The following AGAP1 variants were observed in gnomAD, a reference collection of about 807,000 sequenced individuals.
AGAP1 encodes the protein arf-GAP with GTPase, ANK repeat and PH domain-containing protein 1.
Under a neutral mutation model 105.3 loss-of-function variants are expected in AGAP1, and 29 were observed. The observed-to-expected ratio is 0.28, with a 90% CI of 0.21 to 0.38. The LOEUF (loss-of-function observed/expected upper bound fraction) is 0.38, where lower values mean the gene tolerates loss of function less well. Ranked by LOEUF, AGAP1 falls within the 10% of genes least tolerant of loss-of-function variation. The probability of loss-of-function intolerance (pLI) is 1.00; values close to 1 mark genes in which losing one functional copy is unlikely to be tolerated. For missense variants in AGAP1, 998 were observed against 1,165.1 expected, an observed-to-expected ratio of 0.86 and a Z score of 2.09; for synonymous variants, 509 against 485.9, an observed-to-expected ratio of 1.05 and a Z score of -0.63.
intron 1 of AGAP1, among the ~76,000 whole-genome samples, chr2:235,603,187 C>T (rs750267406): frequency 6.6e-6 from 1 of 152,134 alleles, no homozygotes; most frequent in Non-Finnish European, 1.5e-5. Context: ...CTGGTGGTTT[C>T]ATAAGGGGAA....
intron 6 of AGAP1, chr2:235,775,748 T>TA (rs1955811859): frequency 6.6e-6 from 1 of 152,232 alleles, no homozygotes; most frequent in South Asian, 2.1e-4. Context: ...TACTTTGTCT[T>TA]AAATTCTATG....
rs1461647090 is a variant in AGAP1, at chr2:235,801,284, CTG to C, written c.957+1763_957+1764del. 6.6e-6 allele frequency among the ~76,000 whole-genome samples: 1 copy of C among 152,172 alleles called. No homozygotes were observed. The highest frequency in any genetic ancestry group is 1.5e-5 in the Non-Finnish European group (1 of 68,034). ...CTCTGGGCTGGAAACCATAGTACTT[CTG>C]CAGTGGGGCTTCCGGGAAGACTTCC... is the stretch of plus-strand genomic sequence containing the variant. On this transcript the variant is annotated intron_variant, in intron 8 of 17. Coordinates refer to ENST00000304032, the MANE Select transcript of AGAP1 (RefSeq NM_001037131.3). The surrounding 1 kb of genome is among the most constrained non-coding windows in gnomAD (Gnocchi z 6.0).
In AGAP1 at chr2:235,996,644, A is replaced by G. The variant is rs184645420; in HGVS notation, c.1645+28021A>G. Among the ~76,000 whole-genome samples, 12 of 152,300 alleles carry G rather than the reference A, an allele frequency of 7.9e-5. No homozygotes were observed. The East Asian group carries it at 1.9e-3, about 25-fold the overall frequency. On this transcript the variant is annotated intron_variant, in intron 13 of 17. Coordinates refer to ENST00000304032, the MANE Select transcript of AGAP1 (RefSeq NM_001037131.3). ...TCTGTTCACCATCAAGCGGCAGTTC[A>G]TCTGGAGTAAGGAGAGAGGCTGGAG... is the stretch of plus-strand genomic sequence containing the variant.
In AGAP1 at chr2:235,720,755, A is replaced by C; in HGVS notation, c.310+3111A>C. The C allele has an allele frequency of 4.1e-6, 4 of 970,496 alleles. No homozygotes were observed. The highest frequency in any genetic ancestry group is 4.9e-6 in the Non-Finnish European group (4 of 816,486). 60.1% of individuals were successfully genotyped at this position (970,496 alleles called of 1,614,324 possible). On this transcript the variant is annotated intron_variant, in intron 3 of 17. Coordinates refer to ENST00000304032, the MANE Select transcript of AGAP1 (RefSeq NM_001037131.3). The surrounding 1 kb of genome is among the most constrained non-coding windows in gnomAD (Gnocchi z 5.0). ...GTCATAATCCTGACCCGTGGCTGGGATATGTAGACTGCTGGGAGGGGTGAG... is the reference window on the plus strand; with the variant it reads ...GTCATAATCCTGACCCGTGGCTGGGCTATGTAGACTGCTGGGAGGGGTGAG...
chr2:235,766,138 G>A (rs527670562), intron 6 of AGAP1, among the ~76,000 whole-genome samples: 2 of 152,298 alleles, frequency 1.3e-5, no homozygotes, highest in East Asian at 3.9e-4. Context: ...AAAATAAAAT[G>A]CTCCTTTAAG....
intron 12 of AGAP1, among the ~76,000 whole-genome samples, chr2:235,956,398 G>A (rs1326170990): frequency 6.6e-6 from 1 of 152,120 alleles, no homozygotes; most frequent in East Asian, 1.9e-4. Flanking sequence ...GCTCCCTTCT[G>A]TCACACTCCC....
chr2:235,652,521 G>C (rs1029831064), intron 1 of AGAP1, among the ~76,000 whole-genome samples: 3 of 152,158 alleles, frequency 2.0e-5, no homozygotes, highest in African/African-American at 4.8e-5. Flanking sequence ...TGTGATTCAG[G>C]AGACACCACA....
intron 6 of AGAP1, among the ~76,000 whole-genome samples, chr2:235,790,606 CTT>C (rs1956917664): frequency 6.6e-6 from 1 of 152,194 alleles, no homozygotes; most frequent in Non-Finnish European, 1.5e-5. Flanking sequence ...TTAAGGACAA[CTT>C]CACACTTGCC....
intron 1 of AGAP1, among the ~76,000 whole-genome samples, chr2:235,699,719 C>T (rs1950163505): frequency 6.6e-6 from 1 of 152,220 alleles, no homozygotes; most frequent in Admixed American, 6.5e-5. Flanking sequence ...CAGGCCATTC[C>T]TTCTGCTGAC....
At position 235,625,880 on chromosome 2, in the gene AGAP1, T is replaced by C. The variant is rs1207169828; in HGVS notation, c.164-83299T>C. ...AGCATTGTGACAACATGTGACCAAG[T>C]ATTAAAAATGTTCTCACATTTATTC... On this transcript the variant is annotated intron_variant, in intron 1 of 17. Transcript: ENST00000304032. This position sits in a 1 kb window ranked among gnomAD's most constrained non-coding sequence, Gnocchi z 4.0. Among the ~76,000 whole-genome samples, 2 of 152,252 alleles carry C rather than the reference T, an allele frequency of 1.3e-5. No homozygotes were observed. Among genetic ancestry groups the C allele is most frequent in the African/African-American group, 4.8e-5 (2 of 41,468 alleles).
rs148156551 is a variant in AGAP1, at chr2:235,752,277, A to T, written c.673+1789A>T. 5.3e-3 allele frequency among the ~76,000 whole-genome samples: 803 copies of T among 152,268 alleles called. 32 individuals carry two copies. In the South Asian group the frequency reaches 0.097, roughly 18 times the overall value. On this transcript the variant is annotated intron_variant, in intron 6 of 17. Transcript: ENST00000304032. This position sits in a 1 kb window ranked among gnomAD's most constrained non-coding sequence, Gnocchi z 4.3. ...ACTGCAACCTCTGCCTCCCAGGTTC[A>T]GGCAAATCTTGTGCCTCAGCCTCCC...
chr2:235,992,167 C>A lies in AGAP1; in HGVS notation c.1645+23544C>A, dbSNP rs965730909. 6.6e-6 allele frequency among the ~76,000 whole-genome samples: 1 copy of A among 151,280 alleles called. No individual in the cohort carries two copies. Among genetic ancestry groups the A allele is most frequent in the Non-Finnish European group, 1.5e-5 (1 of 67,794 alleles). ...AGCGGAGGAGCCTGTCTTCCTGGGT[C>A]CGAGTTGCGTGGTTAGGAGCGCAGC... is the stretch of plus-strand genomic sequence containing the variant. On this transcript the variant is annotated intron_variant, in intron 13 of 17. Coordinates refer to ENST00000304032, the MANE Select transcript of AGAP1 (RefSeq NM_001037131.3). This position sits in a 1 kb window ranked among gnomAD's most constrained non-coding sequence, Gnocchi z 4.8.
rs918751405 is a variant in AGAP1 at position 235,883,560 on chromosome 2, C to T, written c.1155+111C>T. 9.7e-6 allele frequency: 8 copies of T among 828,442 alleles called. No individual in the cohort carries two copies. The highest frequency in any genetic ancestry group is 2.3e-4 in the Middle Eastern group (1 of 4,330). The allele number at this position is 828,442 out of a possible 1,614,324, so 51.3% of individuals were successfully genotyped here. On this transcript the variant is annotated intron_variant, in intron 10 of 17. Coordinates refer to ENST00000304032, the MANE Select transcript of AGAP1 (RefSeq NM_001037131.3). The surrounding 1 kb of genome is among the most constrained non-coding windows in gnomAD (Gnocchi z 4.5). Reference sequence around the variant, plus strand: ...TCTTGTCTCTGTTTGAAGTGAAAGTCGTATTTGGTCTCCTGCTCAACTGTG... The same window carrying T: ...TCTTGTCTCTGTTTGAAGTGAAAGTTGTATTTGGTCTCCTGCTCAACTGTG...
chr2:236,035,050 G>A lies in AGAP1; in HGVS notation c.1646-1511G>A, dbSNP rs1462830814. Among the ~76,000 whole-genome samples, 1 of 152,206 alleles carries A rather than the reference G, an allele frequency of 6.6e-6. No homozygotes were observed. Among genetic ancestry groups the A allele is most frequent in the East Asian group, 1.9e-4 (1 of 5,188 alleles). ...TCACGTCCCAGGCTGCAGGCGCATTGTGAGGAAGGGCCTGGGAGAGCCAGT... is the reference window on the plus strand; with the variant it reads ...TCACGTCCCAGGCTGCAGGCGCATTATGAGGAAGGGCCTGGGAGAGCCAGT... On this transcript the variant is annotated intron_variant, in intron 13 of 17. Coordinates refer to ENST00000304032, the MANE Select transcript of AGAP1 (RefSeq NM_001037131.3). The surrounding 1 kb of genome is among the most constrained non-coding windows in gnomAD (Gnocchi z 4.2).
intron 11 of AGAP1, among the ~76,000 whole-genome samples, chr2:235,925,665 G>T (rs2052410889): frequency 6.6e-6 from 1 of 152,220 alleles, no homozygotes; most frequent in Non-Finnish European, 1.5e-5. Context: ...AATCAACACA[G>T]TAGCAGCAGA....
At chr2:235,640,638 G>T (rs1200154345) in intron 1 of AGAP1, among the ~76,000 whole-genome samples, 1 of 152,134 alleles carries the variant, frequency 6.6e-6, no homozygotes, top group Non-Finnish European at 1.5e-5. Flanking sequence ...CCATGAATGG[G>T]GCTGGCCTCC....
Position 235,939,119 on chromosome 2 carries a change from G to A in AGAP1, c.1483+8196G>A, listed in dbSNP as rs2053131237. ...AGAATTGAACTGGGAGCAATGGGTA[G>A]GATTTGCAGGAAAGACAACTTTGAC... On this transcript the variant is annotated intron_variant, in intron 12 of 17. Coordinates refer to ENST00000304032, the MANE Select transcript of AGAP1 (RefSeq NM_001037131.3). Among the ~76,000 whole-genome samples, 5 of 152,160 alleles carry A rather than the reference G, an allele frequency of 3.3e-5. No individual in the cohort carries two copies. In the South Asian group the frequency reaches 1.0e-3, roughly 32 times the overall value.
chr2:235,986,406 G>A (rs1228378354), intron 13 of AGAP1, among the ~76,000 whole-genome samples: 1 of 152,132 alleles, frequency 6.6e-6, no homozygotes, highest in African/African-American at 2.4e-5. Flanking sequence ...ATAAAATCAT[G>A]TTGTCTGCAA....
rs1006410732 is a variant in AGAP1, at chr2:235,574,070, T to C, written c.163+79221T>C. On this transcript the variant is annotated intron_variant, in intron 1 of 17. Transcript: ENST00000304032. This position sits in a 1 kb window ranked among gnomAD's most constrained non-coding sequence, Gnocchi z 5.0. ...TCAGGGAGGCAGGGCCTGGGTGCCT[T>C]GGGGCCTGTCCTATCTGAGGTCCAC... Among the ~76,000 whole-genome samples the C allele has an allele frequency of 1.3e-5, 2 of 152,202 alleles. No homozygotes were observed. The highest frequency in any genetic ancestry group is 2.9e-5 in the Non-Finnish European group (2 of 68,036).
Sources: gnomAD v4.1 joint callset for allele counts (sites outside exome capture counted in the v4.1 genomes callset) on GRCh38, gnomAD v4.1.1 for gene constraint, Gnocchi (gnomAD v3.1) non-coding constraint, MANE v1.5 for transcripts, NCBI Gene and HGNC (gene_info 2026-07-23, HGNC 2026-07-21) for gene names.